Variants in C8A observed in about 807,000 individuals in gnomAD.
C8A encodes complement component C8 alpha chain.
C8A carries 67 observed loss-of-function variants against 65.3 expected under a neutral mutation model. That is an observed-to-expected ratio of 1.03 (90% confidence interval 0.84 to 1.26). C8A has a LOEUF of 1.26. C8A is among the 50% of genes most tolerant of loss of function. C8A has a pLI of 0.00. For missense variants in C8A, 781 were observed against 723.9 expected, an observed-to-expected ratio of 1.08 and a Z score of -0.90; for synonymous variants, 290 against 259.4, an observed-to-expected ratio of 1.12 and a Z score of -1.13.
chr1:56,876,582 A>C (rs898675565), intron 4 of C8A, among the ~76,000 whole-genome samples: 9 of 151,880 alleles, frequency 5.9e-5, no homozygotes, highest in Non-Finnish European at 1.3e-4. Context: ...CCCTGTTCCC[A>C]ATCTGCTTTG....
At chr1:56,855,136 G>T (rs1023479497) in intron 1 of C8A, among the ~76,000 whole-genome samples, 158 bp downstream of exon 1, 3 of 152,220 alleles carry the variant, frequency 2.0e-5, no homozygotes, top group Non-Finnish European at 4.4e-5. Flanking sequence ...ACAGTGAAAA[G>T]ACCGTGCACT....
intron 2 of C8A, among the ~76,000 whole-genome samples, chr1:56,871,515 A>G (rs760453378): frequency 6.6e-6 from 1 of 152,234 alleles, no homozygotes; most frequent in Non-Finnish European, 1.5e-5. Flanking sequence ...GTTATGATGA[A>G]TCTTTGCAAT....
At chr1:56,917,462 C>T in intron 10 of C8A, 103 bp from the exon 11 acceptor site, 1 of 1,233,312 alleles carries the variant, frequency 8.1e-7, no homozygotes, top group Non-Finnish European at 1.2e-6. Context: ...AGGCCAGTTC[C>T]TCTCCCAAGG....
rs866241544 is a variant in C8A, at chr1:56,873,237, G to A, written c.172-1712G>A. 2.6e-5 allele frequency among the ~76,000 whole-genome samples: 4 copies of A among 152,242 alleles called. No individual in the cohort carries two copies. In the South Asian group the frequency reaches 6.2e-4, roughly 24 times the overall value. On this transcript the variant is annotated intron_variant, in intron 2 of 10. Coordinates refer to ENST00000361249, the MANE Select transcript of C8A (RefSeq NM_000562.3). The stretch of plus-strand genomic sequence containing the variant: ...ATGGAATCACCTGGAAATACTGCAC[G>A]GATAACAGTAACAATGTGAAAACCA...
intron 10 of C8A, among the ~76,000 whole-genome samples, chr1:56,916,761 T>A (rs1474139515): frequency 6.6e-6 from 1 of 152,158 alleles, no homozygotes; most frequent in Non-Finnish European, 1.5e-5. Context: ...ACTGGATTAG[T>A]CCATCCTTCT....
At chr1:56,900,968 G>A (rs1644422221) in intron 7 of C8A, among the ~76,000 whole-genome samples, 2 of 152,206 alleles carry the variant, frequency 1.3e-5, no homozygotes, top group Admixed American at 1.3e-4. Context: ...AGAAAAGGCT[G>A]TCTGGAGCTC....
At chr1:56,907,885 A>C (rs1570351972) in intron 8 of C8A, 71 bp from the exon 9 acceptor site, 1 of 1,518,886 alleles carries the variant, frequency 6.6e-7, no homozygotes, top group East Asian at 2.3e-5. Context: ...AAATCTCATT[A>C]GTGGGGTTTG....
intron 7 of C8A, among the ~76,000 whole-genome samples, chr1:56,886,825 T>A (rs762548792): frequency 6.6e-6 from 1 of 152,196 alleles, no homozygotes; most frequent in Non-Finnish European, 1.5e-5. Context: ...ACTATTAGCA[T>A]CGACCACATT....
intron 2 of C8A, among the ~76,000 whole-genome samples, chr1:56,873,568 A>T (rs1644168663): frequency 6.6e-6 from 1 of 152,188 alleles, no homozygotes; most frequent in Non-Finnish European, 1.5e-5. Flanking sequence ...CTCATTGCAC[A>T]GATTTAGAAA....
chr1:56,879,546 G>C (rs559163734), intron 4 of C8A, among the ~76,000 whole-genome samples: 2 of 152,246 alleles, frequency 1.3e-5, no homozygotes, highest in South Asian at 4.1e-4. Context: ...TCAATGGTCA[G>C]GAAGATAGAA....
chr1:56,917,486 C>G, intron 10 of C8A, 79 bp from the exon 11 acceptor site: 1 of 1,496,092 alleles, frequency 6.7e-7, no homozygotes, highest in East Asian at 2.3e-5. Flanking sequence ...CCACACACCC[C>G]TCCCTGTTCA....
intron 1 of C8A, 23 bp from the exon 2 acceptor site, chr1:56,867,586 G>A (rs747053374): frequency 1.3e-6 from 2 of 1,570,862 alleles, no homozygotes; most frequent in South Asian, 1.1e-5. Context: ...CAAAATTGAT[G>A]CATGGATCTT....
In C8A at chr1:56,884,266, G is replaced by A. The variant is rs930241567; in HGVS notation, c.855+585G>A. On this transcript the variant is annotated intron_variant, in intron 6 of 10. Coordinates refer to ENST00000361249, the MANE Select transcript of C8A (RefSeq NM_000562.3). ...TCTAGGCATGGAAATCAGCATGTGCGAGGGCCTGGAGATGAGGAAGCCACA... is the reference window on the plus strand; with the variant it reads ...TCTAGGCATGGAAATCAGCATGTGCAAGGGCCTGGAGATGAGGAAGCCACA... 2.6e-5 allele frequency among the ~76,000 whole-genome samples: 4 copies of A among 152,016 alleles called. No homozygotes were observed. The East Asian group carries it at 5.8e-4, about 22-fold the overall frequency.
At chr1:56,869,199 T>C (rs1195526916) in intron 2 of C8A, among the ~76,000 whole-genome samples, 1 of 152,090 alleles carries the variant, frequency 6.6e-6, no homozygotes, top group Non-Finnish European at 1.5e-5. Context: ...GTCCCCAAAG[T>C]CCATTATATT....
At chr1:56,903,853 A>G (rs1004380072) in intron 7 of C8A, among the ~76,000 whole-genome samples, 25 of 152,140 alleles carry the variant, frequency 1.6e-4, no homozygotes, top group African/African-American at 6.0e-4. Flanking sequence ...AGTTACCTAT[A>G]TTTTTCAAAA....
At chr1:56,906,076 G>C (rs1030591422) in intron 7 of C8A, among the ~76,000 whole-genome samples, 1 of 152,196 alleles carries the variant, frequency 6.6e-6, no homozygotes, top group Non-Finnish European at 1.5e-5. Context: ...CCATCTTCTA[G>C]CAAGACTTTG....
At chr1:56,900,635 A>G (rs1030709433) in intron 7 of C8A, among the ~76,000 whole-genome samples, 15 of 65,882 alleles carry the variant, frequency 2.3e-4, no homozygotes, top group African/African-American at 1.5e-3. Context: ...AGTGCTTTAT[A>G]AAATATAGCA....
chr1:56,906,756 G>C lies in C8A; in HGVS notation c.1186G>C (p.Gly396Arg), dbSNP rs374941732. 2.5e-6 allele frequency: 4 copies of C among 1,613,966 alleles called. No individual in the cohort carries two copies. The African/African-American group carries it at 5.3e-5, about 22-fold the overall frequency. Residue 396 changes from glycine to arginine, a missense_variant, in exon 8 of 11, where the codon GGA becomes CGA. Physicochemically the swap from Gly to Arg is moderately radical, Grantham distance 125 (BLOSUM62 -2). Transcript: ENST00000361249. The part of the protein sequence containing the change: ...DKINVGGGLS[G>R]DHCKKFGGGK... Reference sequence around the variant, plus strand: ...AATAAATGTTGGTGGAGGTTTATCAGGAGACCATTGTAAAAAATTTGGAGG... The same window carrying C: ...AATAAATGTTGGTGGAGGTTTATCACGAGACCATTGTAAAAAATTTGGAGG...
rs576804043 is a variant in C8A at position 56,875,199 on chromosome 1, G to A, written c.316+106G>A. On this transcript the variant is annotated intron_variant, in intron 3 of 10. Coordinates refer to ENST00000361249, the MANE Select transcript of C8A (RefSeq NM_000562.3). ...TGCATACTCCTGAGCCCTTCCTCTC[G>A]AGGTTGCCATTCTCTAGGTTTGGGA... The A allele has an allele frequency of 3.2e-4, 426 of 1,342,098 alleles. 1 individual carries two copies. The African/African-American group carries it at 5.3e-3, about 17-fold the overall frequency. The allele number at this position is 1,342,098 out of a possible 1,614,324, so 83.1% of individuals were successfully genotyped here. A position where few individuals can be genotyped will look rare whatever the true frequency, so the allele number is the denominator to read the frequency against.
Sources: allele counts gnomAD v4.1 joint callset (sites outside exome capture counted in the v4.1 genomes callset), GRCh38; gene constraint gnomAD v4.1.1; transcripts MANE v1.5; gene names NCBI Gene and HGNC (gene_info 2026-07-23, HGNC 2026-07-21).